Variants in PABPC4L observed in about 807,000 individuals in gnomAD.
The protein encoded by PABPC4L is poly(A) binding protein cytoplasmic 4 like.
For synonymous variants in PABPC4L, 169 were observed against 164.1 expected, an observed-to-expected ratio of 1.03 and a Z score of -0.23; for missense variants, 452 against 451.4, an observed-to-expected ratio of 1.00 and a Z score of -0.01.
the PABPC4L span, among the ~76,000 whole-genome samples, chr4:134,047,794 T>C: frequency 7.5e-5 from 10 of 133,868 alleles, no homozygotes; most frequent in Middle Eastern, 3.7e-3. Flanking sequence ...TGTTTTTTTC[T>C]CTACAGCTGC....
chr4:134,193,477 G>A (rs542482251), downstream of PABPC4L, among the ~76,000 whole-genome samples: 1 of 151,806 alleles, frequency 6.6e-6, no homozygotes, highest in African/African-American at 2.4e-5. Context: ...CACCATATGT[G>A]ATCTAATTTT....
At chr4:134,121,082 A>T in the PABPC4L span, among the ~76,000 whole-genome samples, 1 of 151,368 alleles carries the variant, frequency 6.6e-6, no homozygotes, top group Admixed American at 6.6e-5. Flanking sequence ...TCCCACTAAC[A>T]TAATATGCTG....
chr4:134,193,492 A>T (rs2126194848), downstream of PABPC4L, among the ~76,000 whole-genome samples: 1 of 152,092 alleles, frequency 6.6e-6, no homozygotes, highest in African/African-American at 2.4e-5. Flanking sequence ...AATTTTGAAA[A>T]AAGGTATCAG....
chr4:133,975,452 T>C, the PABPC4L span, among the ~76,000 whole-genome samples: 6 of 152,136 alleles, frequency 3.9e-5, no homozygotes, highest in Admixed American at 3.9e-4. Flanking sequence ...ACTCACTAAA[T>C]TGTGCATTTA....
At chr4:134,137,990 T>G in the PABPC4L span, among the ~76,000 whole-genome samples, 1 of 151,976 alleles carries the variant, frequency 6.6e-6, no homozygotes, top group South Asian at 2.1e-4. Flanking sequence ...ACTGTACCCA[T>G]TCCACTACTC....
chr4:134,094,204 C>G, the PABPC4L span, among the ~76,000 whole-genome samples: 4 of 151,848 alleles, frequency 2.6e-5, no homozygotes, highest in Admixed American at 2.6e-4. Context: ...TATTGTTTCT[C>G]TATTTTTTCA....
At chr4:133,953,914 G>A in the PABPC4L span, among the ~76,000 whole-genome samples, 175 of 152,186 alleles carry the variant, frequency 1.1e-3, no homozygotes, top group African/African-American at 3.9e-3. Flanking sequence ...TAAACCAAGC[G>A]GATCTTTTAG....
At chr4:133,969,040 G>T in the PABPC4L span, among the ~76,000 whole-genome samples, 2 of 152,226 alleles carry the variant, frequency 1.3e-5, no homozygotes, top group South Asian at 4.2e-4. Context: ...GGTGTGGTTT[G>T]GGTCTCGGGT....
At chr4:134,017,589 G>A in the PABPC4L span, among the ~76,000 whole-genome samples, 19 of 152,218 alleles carry the variant, frequency 1.2e-4, no homozygotes, top group East Asian at 3.7e-3. Flanking sequence ...AATCTTTGCT[G>A]GCAGGACTAT....
At chr4:134,174,306 A>G in the PABPC4L span, among the ~76,000 whole-genome samples, 1 of 152,116 alleles carries the variant, frequency 6.6e-6, no homozygotes, top group Non-Finnish European at 1.5e-5. Context: ...AAAAATAGTA[A>G]GTAGAAGTAT....
chr4:133,981,367 A>G, the PABPC4L span, among the ~76,000 whole-genome samples: 2 of 152,190 alleles, frequency 1.3e-5, no homozygotes, highest in African/African-American at 4.8e-5. Flanking sequence ...TACCATTTAT[A>G]TCTTGTATTG....
At chr4:134,078,486 C>A in the PABPC4L span, among the ~76,000 whole-genome samples, 1 of 151,890 alleles carries the variant, frequency 6.6e-6, no homozygotes, top group Non-Finnish European at 1.5e-5. Flanking sequence ...AAAGAAAGAA[C>A]AAAATATTAG....
the PABPC4L span, among the ~76,000 whole-genome samples, chr4:134,112,063 A>G: frequency 6.6e-6 from 1 of 152,032 alleles, no homozygotes; most frequent in Non-Finnish European, 1.5e-5. Flanking sequence ...TAAAATAATG[A>G]CATAGTAAAA....
At chr4:133,978,308 T>C in the PABPC4L span, among the ~76,000 whole-genome samples, 4 of 152,116 alleles carry the variant, frequency 2.6e-5, no homozygotes, top group East Asian at 5.8e-4. Context: ...AAAAGAGAGA[T>C]AGTAAAAATC....
the PABPC4L span, among the ~76,000 whole-genome samples, chr4:134,067,483 T>A: frequency 6.6e-6 from 1 of 152,144 alleles, no homozygotes; most frequent in African/African-American, 2.4e-5. Context: ...AACCAACTCC[T>A]GGACTCATTA....
chr4:133,959,089 TA>T, the PABPC4L span, among the ~76,000 whole-genome samples: 2 of 152,176 alleles, frequency 1.3e-5, no homozygotes, highest in Non-Finnish European at 2.9e-5. Context: ...GTATTTAGAT[TA>T]AATAGAGTAT....
the PABPC4L span, among the ~76,000 whole-genome samples, chr4:133,952,587 A>G: frequency 7.5e-4 from 114 of 152,202 alleles, 1 homozygote; most frequent in Middle Eastern, 3.4e-3. Context: ...CCTCCCATTA[A>G]TGAATATGGG....
the PABPC4L span, among the ~76,000 whole-genome samples, chr4:133,987,940 A>T: frequency 6.6e-6 from 1 of 152,274 alleles, no homozygotes; most frequent in South Asian, 2.1e-4. Flanking sequence ...TCATGGAGGA[A>T]GGGGAAGCAA....
At chr4:133,983,071 G>A in the PABPC4L span, among the ~76,000 whole-genome samples, 1 of 151,874 alleles carries the variant, frequency 6.6e-6, no homozygotes, top group African/African-American at 2.4e-5. Flanking sequence ...CCTGTTTCAA[G>A]TCACAAGTGT....
Sources: gnomAD v4.1 joint callset for allele counts (sites outside exome capture counted in the v4.1 genomes callset) on GRCh38, gnomAD v4.1.1 for gene constraint, MANE v1.5 for transcripts, NCBI Gene and HGNC (gene_info 2026-07-23, HGNC 2026-07-21) for gene names.